The following GALNT15 variants were observed in gnomAD, a reference collection of about 807,000 sequenced individuals.
GALNT15 encodes polypeptide N-acetylgalactosaminyltransferase 15.
Under a neutral mutation model 66.8 loss-of-function variants are expected in GALNT15, and 67 were observed. That is an observed-to-expected ratio of 1.00 (90% CI 0.82 to 1.23). GALNT15 has a LOEUF of 1.23. Among genes scored for constraint, GALNT15 ranks in the 50% most tolerant of loss-of-function variants. The probability of loss-of-function intolerance (pLI) is 0.00; values close to 1 mark genes in which losing one functional copy is unlikely to be tolerated. For synonymous variants in GALNT15, 313 were observed against 311.5 expected, an observed-to-expected ratio of 1.00 and a Z score of -0.05; for missense variants, 827 against 804.3, an observed-to-expected ratio of 1.03 and a Z score of -0.34.
chr3:16,245,610 C>A, the GALNT15 span, among the ~76,000 whole-genome samples: 1 of 152,150 alleles, frequency 6.6e-6, no homozygotes, highest in Non-Finnish European at 1.5e-5. Context: ...TGAAATTGAA[C>A]CGGTTTGGTC....
rs1304428533 is a variant in GALNT15, at chr3:16,203,541, TCTCACACACA to T, written c.911+2720_911+2729del. 1.2e-4 allele frequency among the ~76,000 whole-genome samples: 7 copies of T among 58,630 alleles called. No individual in the cohort carries two copies. The highest frequency in any genetic ancestry group is 5.3e-4 in the South Asian group (1 of 1,886). 38.5% of individuals were successfully genotyped at this position (58,630 alleles called of 152,430 possible). A position where few individuals can be genotyped will look rare whatever the true frequency, so the allele number is the denominator to read the frequency against. On this transcript the variant is annotated intron_variant, in intron 3 of 9. Coordinates refer to ENST00000339732, the MANE Select transcript of GALNT15 (RefSeq NM_054110.5). The surrounding 1 kb of genome is among the most constrained non-coding windows in gnomAD (Gnocchi z 6.2). Reference sequence around the variant, plus strand: ...CTCATTCTCTCTCTCTCTCTCTCTCTCTCACACACACACACACACACACACACACACACAC... The same window carrying T: ...CTCATTCTCTCTCTCTCTCTCTCTCTCACACACACACACACACACACACAC...
intron 6 of GALNT15, among the ~76,000 whole-genome samples, chr3:16,214,623 C>A (rs763623856): frequency 6.8e-4 from 104 of 152,218 alleles, no homozygotes; most frequent in Admixed American, 4.6e-4. Flanking sequence ...GACAGAGAAC[C>A]ATACCCAATG....
chr3:16,212,287 C>T (rs2063823884), intron 5 of GALNT15, among the ~76,000 whole-genome samples: 1 of 152,120 alleles, frequency 6.6e-6, no homozygotes. Flanking sequence ...AGTGCTGGAC[C>T]TGCATGTGTT....
rs2064042051 is a variant in GALNT15, at chr3:16,228,072, A to G, written c.*572A>G. 1 of 986,304 alleles carries G rather than the reference A, an allele frequency of 1.0e-6. No individual in the cohort carries two copies. Among genetic ancestry groups the G allele is most frequent in the Non-Finnish European group, 1.2e-6 (1 of 830,258 alleles). 61.1% of individuals were successfully genotyped at this position (986,304 alleles called of 1,614,324 possible). On this transcript the variant is annotated 3_prime_UTR_variant, in exon 10 of 10. Coordinates refer to ENST00000339732, the MANE Select transcript of GALNT15 (RefSeq NM_054110.5). ...GGTTTAGGATTGCAGAGAAGATGCA[A>G]GAGCACTTTGGCCCAATTCTCCAGC...
chr3:16,216,535 T>C (rs1574993296), intron 6 of GALNT15, among the ~76,000 whole-genome samples: 1 of 150,096 alleles, frequency 6.7e-6, no homozygotes, highest in African/African-American at 2.5e-5. Flanking sequence ...GAAATGAAAG[T>C]AAGTAAAGTA....
chr3:16,222,742 A>G lies in GALNT15; in HGVS notation c.1757A>G (p.His586Arg). The change falls in exon 9 of 10, where the codon CAC becomes CGC. Residue 586 changes from histidine to arginine, a missense_variant. His to Arg is a conservative substitution (Grantham distance 29). Transcript: ENST00000339732. Reference sequence around the variant, plus strand: ...GAAGGCCTGGCCATCCACCAGCAGCACTGGGACTTCCAGGAGGTGAGTAAT... The same window carrying G: ...GAAGGCCTGGCCATCCACCAGCAGCGCTGGGACTTCCAGGAGGTGAGTAAT... Reference protein sequence around the residue: ...TEEGLAIHQQHWDFQENGMIV... With the variant: ...TEEGLAIHQQRWDFQENGMIV... The G allele has an allele frequency of 6.2e-7, 1 of 1,614,138 alleles. No individual in the cohort carries two copies. The highest frequency in any genetic ancestry group is 8.5e-7 in the Non-Finnish European group (1 of 1,180,012).
At chr3:16,196,524 C>T (rs896555943) in intron 2 of GALNT15, among the ~76,000 whole-genome samples, 1 of 152,160 alleles carries the variant, frequency 6.6e-6, no homozygotes, top group Admixed American at 6.5e-5. Flanking sequence ...CTACTAGGGA[C>T]AGCCCTAAAA....
chr3:16,212,542 G>T (rs1258539222), intron 5 of GALNT15, 27 bp from the exon 6 acceptor site: 1 of 1,601,604 alleles, frequency 6.2e-7, no homozygotes, highest in South Asian at 1.1e-5. Context: ...GGAATGCTGA[G>T]GTGTTTATCT....
At chr3:16,241,123 T>G in the GALNT15 span, among the ~76,000 whole-genome samples, 1 of 152,182 alleles carries the variant, frequency 6.6e-6, no homozygotes, top group Non-Finnish European at 1.5e-5. This position sits in a 1 kb window ranked among gnomAD's most constrained non-coding sequence, Gnocchi z 4.6. Context: ...GCACTGCATA[T>G]GTAGCCCTGT....
At chr3:16,247,510 A>C in the GALNT15 span, among the ~76,000 whole-genome samples, 2 of 152,208 alleles carry the variant, frequency 1.3e-5, no homozygotes, top group Non-Finnish European at 2.9e-5. Context: ...TAAAACAGGA[A>C]CCAGGTCAGC....
chr3:16,237,832 G>A, the GALNT15 span, among the ~76,000 whole-genome samples: 4 of 152,096 alleles, frequency 2.6e-5, no homozygotes, highest in Admixed American at 2.0e-4. This position sits in a 1 kb window ranked among gnomAD's most constrained non-coding sequence, Gnocchi z 4.2. Flanking sequence ...TGAGGTTCCC[G>A]CTCCCTGACC....
the GALNT15 span, among the ~76,000 whole-genome samples, chr3:16,248,076 T>C: frequency 1.4e-4 from 22 of 152,226 alleles, no homozygotes; most frequent in East Asian, 5.8e-4. The surrounding 1 kb of genome is among the most constrained non-coding windows in gnomAD (Gnocchi z 4.9). Context: ...GTGTTTCTCC[T>C]GCAGTTTACT....
chr3:16,200,467 C>A lies in GALNT15; in HGVS notation c.707-152C>A. 1 of 490,674 alleles carries A rather than the reference C, an allele frequency of 2.0e-6. No individual in the cohort carries two copies. Among genetic ancestry groups the A allele is most frequent in the Non-Finnish European group, 3.4e-6 (1 of 290,706 alleles). 30.4% of individuals were successfully genotyped at this position (490,674 alleles called of 1,614,324 possible). A position where few individuals can be genotyped will look rare whatever the true frequency, so the allele number is the denominator to read the frequency against. On this transcript the variant is annotated intron_variant, in intron 2 of 9. Transcript: ENST00000339732. The surrounding 1 kb of genome is among the most constrained non-coding windows in gnomAD (Gnocchi z 4.4). ...CAACCTAACCAAGCATCTTACATCTCAGCAACAACCACACTGTAGTAATGT... is the reference window on the plus strand; with the variant it reads ...CAACCTAACCAAGCATCTTACATCTAAGCAACAACCACACTGTAGTAATGT...
chr3:16,222,112 A>G lies in GALNT15; in HGVS notation c.1630-503A>G, dbSNP rs76875695. Among the ~76,000 whole-genome samples, 493 of 152,314 alleles carry G rather than the reference A, an allele frequency of 3.2e-3. 17 individuals carry two copies. The highest frequency in any genetic ancestry group is 0.027 in the Admixed American group (409 of 15,308). On this transcript the variant is annotated intron_variant, in intron 8 of 9. Transcript: ENST00000339732. Reference sequence around the variant, plus strand: ...GACATGACTTCTAATTAATCATCACAAGATCCTCACAGTTAAAGCCCCTCT... The same window carrying G: ...GACATGACTTCTAATTAATCATCACGAGATCCTCACAGTTAAAGCCCCTCT...
chr3:16,190,518 G>T (rs2063564168), intron 1 of GALNT15, among the ~76,000 whole-genome samples: 1 of 151,896 alleles, frequency 6.6e-6, no homozygotes, highest in Non-Finnish European at 1.5e-5. Flanking sequence ...GGCGCCTGTA[G>T]TCCCAGCTAC....
downstream of GALNT15, among the ~76,000 whole-genome samples, chr3:16,232,504 ATATATATTTATTT>A (rs1559698418): frequency 9.1e-5 from 8 of 88,264 alleles, no homozygotes; most frequent in African/African-American, 4.0e-4. Context: ...ATATATATAT[ATATATATTTATTT>A]AAAAGAGACA....
intron 6 of GALNT15, among the ~76,000 whole-genome samples, chr3:16,213,208 C>A (rs946461790): frequency 1.3e-5 from 2 of 152,142 alleles, no homozygotes; most frequent in African/African-American, 4.8e-5. Context: ...GTAATCCCAG[C>A]ACTTTGGGAG....
chr3:16,209,496 C>G lies in GALNT15; in HGVS notation c.1079+826C>G, dbSNP rs1473808577. ...TCACAATTGCAAAATCCAAAAAGCT[C>G]TAAAAACCAAACATTTGTTTAATAA... On this transcript the variant is annotated intron_variant, in intron 4 of 9. Transcript: ENST00000339732. The surrounding 1 kb of genome is among the most constrained non-coding windows in gnomAD (Gnocchi z 4.1). Among the ~76,000 whole-genome samples the G allele has an allele frequency of 6.6e-6, 1 of 152,160 alleles. No homozygotes were observed. Among genetic ancestry groups the G allele is most frequent in the Non-Finnish European group, 1.5e-5 (1 of 68,036 alleles).
At chr3:16,239,590 C>T in the GALNT15 span, among the ~76,000 whole-genome samples, 3 of 152,196 alleles carry the variant, frequency 2.0e-5, no homozygotes, top group African/African-American at 7.2e-5. The surrounding 1 kb of genome is among the most constrained non-coding windows in gnomAD (Gnocchi z 5.2). Flanking sequence ...CCATCTGGAA[C>T]TCAGCCACTG....
Sources: allele counts gnomAD v4.1 joint callset (sites outside exome capture counted in the v4.1 genomes callset), GRCh38; gene constraint gnomAD v4.1.1; non-coding constraint Gnocchi (gnomAD v3.1); transcripts MANE v1.5; gene names NCBI Gene and HGNC (gene_info 2026-07-23, HGNC 2026-07-21).